The following RPS6KC1 variants were observed in gnomAD, a reference collection of about 807,000 sequenced individuals.
RPS6KC1 encodes the protein ribosomal protein S6 kinase C1.
Under a neutral mutation model 103.8 loss-of-function variants are expected in RPS6KC1, and 54 were observed. The observed-to-expected ratio is 0.52, with a 90% CI of 0.42 to 0.65. The LOEUF is 0.65. RPS6KC1 is among the 30% of genes least tolerant of loss of function. The pLI is 0.00. For missense variants in RPS6KC1, 1,151 were observed against 1,253.8 expected (o/e 0.92, Z 1.24); for synonymous variants, 439 against 438.7 (o/e 1.00, Z -0.01).
At chr1:213,324,128 T>C in the RPS6KC1 span, among the ~76,000 whole-genome samples, 1 of 152,218 alleles carries the variant, frequency 6.6e-6, no homozygotes, top group Admixed American at 6.5e-5. Flanking sequence ...ATGGTCTTTA[T>C]CTCCAGGAGC....
chr1:213,357,411 G>A, the RPS6KC1 span, among the ~76,000 whole-genome samples: 18 of 152,378 alleles, frequency 1.2e-4, no homozygotes, highest in African/African-American at 4.3e-4. Context: ...GAGGGGGTAA[G>A]GATGTTGGAA....
At chr1:213,129,498 T>TCTGTTTACTATAATTTAA in intron 5 of RPS6KC1, 29 bp from the exon 6 acceptor site, 2 of 1,537,702 alleles carry the variant, frequency 1.3e-6, no homozygotes, top group Non-Finnish European at 1.7e-6. Flanking sequence ...CAATTTAATA[T>TCTGTTTACTATAATTTAA]CTGTTTACTA....
At chr1:213,790,798 G>T in the RPS6KC1 span, among the ~76,000 whole-genome samples, 14 of 152,254 alleles carry the variant, frequency 9.2e-5, no homozygotes, top group African/African-American at 3.1e-4. Flanking sequence ...GCAATCATGT[G>T]CCCTAGTGAA....
At chr1:213,224,252 C>T (rs543785823) in intron 8 of RPS6KC1, among the ~76,000 whole-genome samples, 1 of 152,248 alleles carries the variant, frequency 6.6e-6, no homozygotes, top group South Asian at 2.1e-4. Context: ...TAGACTCAAA[C>T]CTGTAATCAG....
the RPS6KC1 span, among the ~76,000 whole-genome samples, chr1:213,670,059 TTTAG>T: frequency 6.6e-6 from 1 of 152,136 alleles, no homozygotes; most frequent in Non-Finnish European, 1.5e-5. Flanking sequence ...TTTTATGGGT[TTTAG>T]TTTTGTCATC....
In RPS6KC1 at chr1:213,209,691, G is replaced by A. The variant is rs1250191756; in HGVS notation, c.1045-20806G>A. ...GTCTGGGCAACAAGAGCAAAACTCC[G>A]TCTCAAAAAAAAAAAAAAAAAAAAA... On this transcript the variant is annotated intron_variant, in intron 8 of 14. Coordinates refer to ENST00000366960, the MANE Select transcript of RPS6KC1 (RefSeq NM_012424.6). 1.2e-4 allele frequency among the ~76,000 whole-genome samples: 5 copies of A among 42,986 alleles called. No individual in the cohort carries two copies. The East Asian group carries it at 2.8e-3, about 24-fold the overall frequency. The allele number at this position is 42,986 out of a possible 152,430, so 28.2% of individuals were successfully genotyped here.
At chr1:213,804,173 T>TAAAAAAAAAAAAA in the RPS6KC1 span, among the ~76,000 whole-genome samples, 1 of 57,840 alleles carries the variant, frequency 1.7e-5, no homozygotes, top group African/African-American at 7.0e-5. Context: ...TGGCTAATCT[T>TAAAAAAAAAAAAA]AAAAAAAAAA....
chr1:213,661,309 A>G, the RPS6KC1 span, among the ~76,000 whole-genome samples: 1 of 152,202 alleles, frequency 6.6e-6, no homozygotes, highest in South Asian at 2.1e-4. Flanking sequence ...GATCTCAGGT[A>G]GAGAGAAGGT....
the RPS6KC1 span, among the ~76,000 whole-genome samples, chr1:213,382,117 G>A: frequency 6.6e-6 from 1 of 152,048 alleles, no homozygotes; most frequent in Non-Finnish European, 1.5e-5. Context: ...GAACAATATC[G>A]CCAGCTCCAA....
the RPS6KC1 span, among the ~76,000 whole-genome samples, chr1:213,817,354 G>T: frequency 6.6e-6 from 1 of 152,242 alleles, no homozygotes; most frequent in East Asian, 1.9e-4. Flanking sequence ...CTGGGCTGAA[G>T]GGCAGCTGTT....
At chr1:213,646,131 T>G in the RPS6KC1 span, among the ~76,000 whole-genome samples, 1 of 151,388 alleles carries the variant, frequency 6.6e-6, no homozygotes, top group Non-Finnish European at 1.5e-5. Context: ...TTATAACTTG[T>G]GGTAAACATT....
the RPS6KC1 span, among the ~76,000 whole-genome samples, chr1:213,363,604 CGCTTGCTT>C: frequency 0.023 from 1,978 of 84,756 alleles, 148 homozygotes; most frequent in Admixed American, 0.038. Flanking sequence ...CTTGCTCGCT[CGCTTGCTT>C]GCTTGCTTGC....
the RPS6KC1 span, among the ~76,000 whole-genome samples, chr1:213,342,732 T>A: frequency 6.6e-6 from 1 of 152,166 alleles, no homozygotes; most frequent in Admixed American, 6.5e-5. Flanking sequence ...CATAAGTGAA[T>A]AATGAGACAC....
the RPS6KC1 span, among the ~76,000 whole-genome samples, chr1:213,622,756 G>C: frequency 2.0e-5 from 3 of 152,104 alleles, no homozygotes; most frequent in African/African-American, 7.2e-5. Context: ...CCCAAACCAG[G>C]CTTTGCTCCC....
At chr1:213,225,387 C>T (rs759951045) in intron 8 of RPS6KC1, among the ~76,000 whole-genome samples, 43 of 151,970 alleles carry the variant, frequency 2.8e-4, no homozygotes, top group Non-Finnish European at 5.9e-4. Context: ...GTTTATCCAT[C>T]TTAATTTGCT....
the RPS6KC1 span, among the ~76,000 whole-genome samples, chr1:213,374,991 A>G: frequency 2.0e-4 from 31 of 152,102 alleles, no homozygotes; most frequent in African/African-American, 7.5e-4. Context: ...ACACACACAC[A>G]TATACACACA....
intron 4 of RPS6KC1, among the ~76,000 whole-genome samples, chr1:213,110,261 C>T (rs2082898722): frequency 1.3e-5 from 2 of 152,130 alleles, no homozygotes; most frequent in African/African-American, 4.8e-5. Flanking sequence ...ACATACTTTC[C>T]TGTGTCTTTG....
intron 4 of RPS6KC1, among the ~76,000 whole-genome samples, chr1:213,112,447 T>C (rs1385575989): frequency 1.3e-5 from 2 of 152,010 alleles, no homozygotes; most frequent in Non-Finnish European, 2.9e-5. Flanking sequence ...GAGAAATCAA[T>C]TTTATATTTA....
chr1:213,091,883 AG>A (rs1301414059), intron 3 of RPS6KC1, among the ~76,000 whole-genome samples: 1 of 152,140 alleles, frequency 6.6e-6, no homozygotes, highest in African/African-American at 2.4e-5. Context: ...ATTGTTCTCA[AG>A]GGTTGAGATT....
Sources: allele counts gnomAD v4.1 joint callset (sites outside exome capture counted in the v4.1 genomes callset), GRCh38; gene constraint gnomAD v4.1.1; transcripts MANE v1.5; gene names NCBI Gene and HGNC (gene_info 2026-07-23, HGNC 2026-07-21).